TRIM22: variants seen among roughly 807,000 people sequenced by gnomAD.
The protein encoded by TRIM22 is E3 ubiquitin-protein ligase TRIM22.
In TRIM22, 45 loss-of-function variants were observed where a neutral mutation model predicts 53.6. That is an observed-to-expected ratio of 0.84 (90% confidence interval 0.66 to 1.08). The LOEUF is 1.08. TRIM22 is among the 50% of genes least tolerant of loss of function. The probability of loss-of-function intolerance (pLI) is 0.00; values close to 1 mark genes in which losing one functional copy is unlikely to be tolerated. For missense variants in TRIM22, 616 were observed against 590.9 expected (o/e 1.04, Z -0.44); for synonymous variants, 225 against 216.6 (o/e 1.04, Z -0.34).
At position 5,696,340 on chromosome 11, in the gene TRIM22, A is replaced by C. The variant is rs1381814423; in HGVS notation, c.108A>C (p.Gln36His). The change falls in exon 2 of 8, where the codon CAA (glutamine) becomes CAC (histidine). Residue 36 changes from glutamine (Q) to histidine (H), a missense_variant. By Grantham distance (24) the Gln-to-His change is conservative. Coordinates refer to ENST00000379965, the MANE Select transcript of TRIM22 (RefSeq NM_006074.5). The stretch of plus-strand genomic sequence containing the variant: ...TAGATTGTGGCCACAGCTTCTGCCA[A>C]GCCTGCATCACTGCAAAGATCAAGG... Reference protein sequence around the residue: ...LSLDCGHSFCQACITAKIKES... With the variant: ...LSLDCGHSFCHACITAKIKES... 1 of 1,614,234 alleles carries C rather than the reference A, an allele frequency of 6.2e-7. No individual in the cohort carries two copies. Among genetic ancestry groups the C allele is most frequent in the Non-Finnish European group, 8.5e-7 (1 of 1,180,048 alleles).
At chr11:5,699,287 G>C (rs1853323527) in intron 4 of TRIM22, among the ~76,000 whole-genome samples, 1 of 128,424 alleles carries the variant, frequency 7.8e-6, no homozygotes, top group Non-Finnish European at 1.6e-5. Context: ...CACTTTGGGA[G>C]GCCGAGGCGG....
At chr11:5,699,556 A>G (rs1853331950) in intron 4 of TRIM22, among the ~76,000 whole-genome samples, 1 of 122,024 alleles carries the variant, frequency 8.2e-6, no homozygotes, top group Admixed American at 7.7e-5. Flanking sequence ...AAAAAAAAAA[A>G]AAAAAAAAAA....
rs1853262742 is a variant in TRIM22 at position 5,696,477 on chromosome 11, A to G, written c.245A>G (p.Lys82Arg). 6.2e-7 allele frequency: 1 copy of G among 1,614,278 alleles called. No homozygotes were observed. Among genetic ancestry groups the G allele is most frequent in the Non-Finnish European group, 8.5e-7 (1 of 1,180,044 alleles). ...CTGGCCAACATAGTTGAGAGAGTCAAAGAGGTCAAGATGAGCCCACAGGAG... is the reference window on the plus strand; with the variant it reads ...CTGGCCAACATAGTTGAGAGAGTCAGAGAGGTCAAGATGAGCCCACAGGAG... ...RHLANIVERV[K>R]EVKMSPQEGQ... Residue 82 changes from lysine (K) to arginine (R), a missense_variant, in exon 2 of 8, where the codon AAA (lysine) becomes AGA (arginine). Coordinates refer to ENST00000379965, the MANE Select transcript of TRIM22 (RefSeq NM_006074.5).
At chr11:5,701,571 C>T (rs10769182) in intron 4 of TRIM22, among the ~76,000 whole-genome samples, 86,845 of 151,740 alleles carry the variant, frequency 0.57, 24,992 homozygotes, top group Admixed American at 0.63. Context: ...CCATTTAAAT[C>T]AGTTGCTATA....
intron 4 of TRIM22, among the ~76,000 whole-genome samples, chr11:5,702,233 ATATAT>A (rs960317496): frequency 6.9e-5 from 10 of 145,122 alleles, no homozygotes; most frequent in African/African-American, 1.8e-4. Flanking sequence ...CATAACTAAT[ATATAT>A]TATATTATAT....
chr11:5,699,429 C>A (rs1853326790), intron 4 of TRIM22, among the ~76,000 whole-genome samples: 1 of 139,332 alleles, frequency 7.2e-6, no homozygotes, highest in Non-Finnish European at 1.5e-5. Context: ...GAGGCTGAGG[C>A]AGGAGAATGG....
chr11:5,706,513 C>A, intron 4 of TRIM22, 81 bp from the exon 5 acceptor site: 1 of 1,368,438 alleles, frequency 7.3e-7, no homozygotes. Flanking sequence ...TTGTTTATCC[C>A]AAATTCTAAT....
Position 5,695,566 on chromosome 11 carries a change from GT to G in TRIM22, c.-66-590del, listed in dbSNP as rs10664616. ...TCAGAATAGGAGTGATGGCATTAGG[GT>G]TTTTTTTTTTCAGGTGATAAAAATA... is the stretch of plus-strand genomic sequence containing the variant. On this transcript the variant is annotated intron_variant, in intron 1 of 7. Transcript: ENST00000379965. Among the ~76,000 whole-genome samples, 15 of 145,776 alleles carry G rather than the reference GT, an allele frequency of 1.0e-4. No individual in the cohort carries two copies. The South Asian group carries it at 1.3e-3, about 13-fold the overall frequency.
rs530322912 is a variant in TRIM22, at chr11:5,692,479, T to C, written c.-67+2580T>C. Among the ~76,000 whole-genome samples, 5 of 152,350 alleles carry C rather than the reference T, an allele frequency of 3.3e-5. No individual in the cohort carries two copies. The South Asian group carries it at 6.2e-4, about 19-fold the overall frequency. The stretch of plus-strand genomic sequence containing the variant: ...GAACTCTTGGAAAAAGGGTCATTAC[T>C]TGGGGAAAACTAAACCCTGGACATT... On this transcript the variant is annotated intron_variant, in intron 1 of 7. Transcript: ENST00000379965.
intron 4 of TRIM22, among the ~76,000 whole-genome samples, chr11:5,699,715 G>C (rs950431065): frequency 1.4e-5 from 2 of 143,974 alleles, no homozygotes; most frequent in Non-Finnish European, 3.0e-5. Flanking sequence ...GTTAATACTT[G>C]ATTATTTCCT....
chr11:5,701,753 G>C (rs866806762), intron 4 of TRIM22, among the ~76,000 whole-genome samples: 1 of 152,098 alleles, frequency 6.6e-6, no homozygotes, highest in African/African-American at 2.4e-5. Context: ...ATAGGGAAGC[G>C]TGGAACAGAT....
At chr11:5,695,116 T>C (rs1292335678) in intron 1 of TRIM22, among the ~76,000 whole-genome samples, 1 of 152,240 alleles carries the variant, frequency 6.6e-6, no homozygotes, top group Non-Finnish European at 1.5e-5. Context: ...ATGAATGGAT[T>C]ACTTTTCAGG....
At position 5,710,656 on chromosome 11, in the gene TRIM22, G is replaced by A. The variant is rs994260437; in HGVS notation, c.*1008G>A. 3 of 152,008 alleles carry A rather than the reference G, an allele frequency of 2.0e-5. No homozygotes were observed. 9.4% of individuals were successfully genotyped at this position (152,008 alleles called of 1,614,324 possible). ...GTGTATTTTCCTCAAATTAATATTG[G>A]TGTTCAAGACTATATCTAATTCCTC... is the stretch of plus-strand genomic sequence containing the variant. On this transcript the variant is annotated 3_prime_UTR_variant, in exon 8 of 8. Coordinates refer to ENST00000379965, the MANE Select transcript of TRIM22 (RefSeq NM_006074.5).
chr11:5,710,148 T>TC lies in TRIM22; in HGVS notation c.*502dup, dbSNP rs1435185721. ...ATTTGGAGGTATTGGGAATAAAAAC[T>TC]CCAACATATAAATTTGAGGAAGGCA... On this transcript the variant is annotated 3_prime_UTR_variant, in exon 8 of 8. Transcript: ENST00000379965. 1 of 152,882 alleles carries TC rather than the reference T, an allele frequency of 6.5e-6. No individual in the cohort carries two copies. The highest frequency in any genetic ancestry group is 2.4e-5 in the African/African-American group (1 of 41,470). The allele number at this position is 152,882 out of a possible 1,614,324, so 9.5% of individuals were successfully genotyped here. A position where few individuals can be genotyped will look rare whatever the true frequency, so the allele number is the denominator to read the frequency against.
intron 2 of TRIM22, 31 bp from the exon 3 acceptor site, chr11:5,697,217 A>G (rs760826020): frequency 3.7e-5 from 57 of 1,546,580 alleles, no homozygotes; most frequent in Non-Finnish European, 4.7e-5. Context: ...AAAGCTCATA[A>G]CTTTACTCTG....
chr11:5,709,684 C>G lies in TRIM22; in HGVS notation c.*36C>G, dbSNP rs73404243. 1.1e-5 allele frequency: 17 copies of G among 1,554,112 alleles called. No individual in the cohort carries two copies. In the East Asian group the frequency reaches 3.8e-4, roughly 35 times the overall value. On this transcript the variant is annotated 3_prime_UTR_variant, in exon 8 of 8. Transcript: ENST00000379965. ...TCCTTTACCCACTTCTGCATAGTAGCCCTTGTGCTGAGACTCAGATTCTGC... is the reference window on the plus strand; with the variant it reads ...TCCTTTACCCACTTCTGCATAGTAGGCCTTGTGCTGAGACTCAGATTCTGC...
chr11:5,699,769 A>G (rs1413712199), intron 4 of TRIM22, among the ~76,000 whole-genome samples: 1 of 148,332 alleles, frequency 6.7e-6, no homozygotes, highest in Admixed American at 6.7e-5. Context: ...TGGGAACATA[A>G]TGGTATCTCA....
Position 5,696,389 on chromosome 11 carries a change from GA to G in TRIM22, c.160del (p.Ser54AlafsTer24). The G allele has an allele frequency of 1.1e-5, 18 of 1,614,240 alleles. No homozygotes were observed. The highest frequency in any genetic ancestry group is 1.5e-5 in the Non-Finnish European group (18 of 1,180,046). On this transcript the variant is annotated frameshift_variant, in exon 2 of 8. Coordinates refer to ENST00000379965, the MANE Select transcript of TRIM22 (RefSeq NM_006074.5). LOFTEE classifies it high-confidence loss of function. Reference sequence around the variant, plus strand: ...GGAGTCAGTGATCATCTCAAGAGGGGAAAGCAGCTGTCCTGTGTGTCAGACC... The same window carrying G: ...GGAGTCAGTGATCATCTCAAGAGGGGAAGCAGCTGTCCTGTGTGTCAGACC... ...IKESVIISRGESSCPVCQTRF... is the reference protein window; with the variant it reads ...IKESVIISRGXSSCPVCQTRF...
chr11:5,698,622 C>G, intron 4 of TRIM22, 77 bp downstream of exon 4: 1 of 1,176,168 alleles, frequency 8.5e-7, no homozygotes, highest in Non-Finnish European at 1.2e-6. Flanking sequence ...CCTTCCCAGT[C>G]TCTAGGCTTT....
Sources: allele counts gnomAD v4.1 joint callset (sites outside exome capture counted in the v4.1 genomes callset), GRCh38; gene constraint gnomAD v4.1.1; transcripts MANE v1.5; gene names NCBI Gene and HGNC (gene_info 2026-07-23, HGNC 2026-07-21).